PEAK1: variants seen among roughly 807,000 people sequenced by gnomAD.
PEAK1 encodes the protein inactive tyrosine-protein kinase PEAK1.
In PEAK1, 54 loss-of-function variants were observed where a neutral mutation model predicts 124.7. The ratio of observed to expected loss-of-function variants is 0.43; its 90% CI spans 0.35 to 0.54. The LOEUF is 0.54. PEAK1 is among the 20% of genes least tolerant of loss of function. The pLI is 0.01. For synonymous variants in PEAK1, 719 were observed against 760.0 expected, an observed-to-expected ratio of 0.95 and a Z score of 0.89; for missense variants, 2,046 against 2,134.5, an observed-to-expected ratio of 0.96 and a Z score of 0.82.
intron 1 of PEAK1, among the ~76,000 whole-genome samples, chr15:77,374,374 C>A (rs750668583): frequency 6.6e-6 from 1 of 152,112 alleles, no homozygotes; most frequent in African/African-American, 2.4e-5. Context: ...GTACCTAGAA[C>A]GTAAAATCAG....
intron 8 of PEAK1, among the ~76,000 whole-genome samples, chr15:77,150,435 T>A (rs190759521): frequency 6.6e-6 from 1 of 152,274 alleles, no homozygotes; most frequent in Non-Finnish European, 1.5e-5. Context: ...ACTTAGAATA[T>A]TCACAGAGGC....
intron 1 of PEAK1, among the ~76,000 whole-genome samples, chr15:77,391,476 C>CAAAAAAAAAA (rs536286745): frequency 2.9e-5 from 2 of 68,300 alleles, no homozygotes; most frequent in East Asian, 1.5e-3. Context: ...TAACTCATGG[C>CAAAAAAAAAA]AAAAAAAAAA....
intron 8 of PEAK1, among the ~76,000 whole-genome samples, chr15:77,145,743 C>T (rs569615244): frequency 5.9e-5 from 9 of 152,274 alleles, no homozygotes; most frequent in Admixed American, 1.3e-4. Context: ...TTTTGTGACC[C>T]TCTTCCAGAC....
In PEAK1 at chr15:77,133,875, A is replaced by C; in HGVS notation, c.3332-125T>G. ...GAATGTAAGAATAAGTCAACTCTTT[A>C]GTTCAAAATGGGAAAAGAGAACAAC... On this transcript the variant is annotated intron_variant, in intron 8 of 9. Coordinates refer to ENST00000682557, the MANE Select transcript of PEAK1 (RefSeq NM_001385026.1). This position sits in a 1 kb window ranked among gnomAD's most constrained non-coding sequence, Gnocchi z 4.2. 9.1e-7 allele frequency: 1 copy of C among 1,097,230 alleles called. No individual in the cohort carries two copies. Among genetic ancestry groups the C allele is most frequent in the Non-Finnish European group, 1.3e-6 (1 of 799,916 alleles). 68.0% of individuals were successfully genotyped at this position (1,097,230 alleles called of 1,614,324 possible).
Position 77,180,450 on chromosome 15 carries a change from C to T in PEAK1, c.1477G>A (p.Val493Ile), listed in dbSNP as rs1382028940. The T allele has an allele frequency of 2.5e-6, 4 of 1,614,082 alleles. No homozygotes were observed. The highest frequency in any genetic ancestry group is 3.4e-6 in the Non-Finnish European group (4 of 1,180,016). ...GAGCTTTTTGTCTTGGGGCTGTTAA[C>T]AGGGCCCTCGAGGTGCTCACTGGCC... ...AMASEHLEGP[V>I]NSPKTKSSSS... The change falls in exon 7 of 10, where the codon GTT becomes ATT. Residue 493 changes from valine to isoleucine, a missense_variant. Physicochemically the swap from Val to Ile is conservative, Grantham distance 29. Transcript: ENST00000682557.
chr15:77,389,576 G>A (rs1200614561), intron 1 of PEAK1, among the ~76,000 whole-genome samples: 1 of 152,150 alleles, frequency 6.6e-6, no homozygotes, highest in Non-Finnish European at 1.5e-5. Context: ...AATTATCTTA[G>A]AGGCCATTTC....
At chr15:77,178,696 A>G (rs1388943456) in intron 7 of PEAK1, 94 bp downstream of exon 7, 2 of 1,249,180 alleles carry the variant, frequency 1.6e-6, no homozygotes, top group Non-Finnish European at 2.2e-6. Flanking sequence ...TTACAAACAG[A>G]AATGGTTCTT....
At chr15:77,408,852 C>A (rs1440554121) in intron 1 of PEAK1, among the ~76,000 whole-genome samples, 1 of 152,104 alleles carries the variant, frequency 6.6e-6, no homozygotes, top group Non-Finnish European at 1.5e-5. Context: ...GGGAGGATCA[C>A]CTGAGCCCAG....
At chr15:77,358,433 T>C (rs369061857) in intron 2 of PEAK1, among the ~76,000 whole-genome samples, 1 of 152,268 alleles carries the variant, frequency 6.6e-6, no homozygotes, top group African/African-American at 2.4e-5. Flanking sequence ...AAAAAACCAA[T>C]CTTACTAAGG....
intron 5 of PEAK1, among the ~76,000 whole-genome samples, chr15:77,259,435 G>A (rs1462108915): frequency 6.6e-6 from 1 of 152,040 alleles, no homozygotes; most frequent in Non-Finnish European, 1.5e-5. Context: ...CTGATTTAAA[G>A]TTTGTAATGG....
intron 1 of PEAK1, among the ~76,000 whole-genome samples, chr15:77,412,522 CAT>C (rs1473612471): frequency 6.6e-6 from 1 of 152,162 alleles, no homozygotes; most frequent in Admixed American, 6.5e-5. Context: ...TGTATCAAAA[CAT>C]ATCCAGTTAG....
intron 2 of PEAK1, chr15:77,349,114 A>C: frequency 3.2e-6 from 2 of 627,238 alleles, no homozygotes; most frequent in Non-Finnish European, 3.9e-6. Flanking sequence ...ATCTCGGCTC[A>C]CTGCAACCTC....
intron 9 of PEAK1, among the ~76,000 whole-genome samples, chr15:77,126,861 T>C (rs890891633): frequency 2.0e-5 from 3 of 152,154 alleles, no homozygotes; most frequent in Middle Eastern, 3.2e-3. Context: ...TTAGAATAAA[T>C]ATGAAAGAGG....
At position 77,202,687 on chromosome 15, in the gene PEAK1, G is replaced by A. The variant is rs183282726; in HGVS notation, c.-114-20647C>T. 4.1e-3 allele frequency among the ~76,000 whole-genome samples: 618 copies of A among 151,190 alleles called. 5 individuals are homozygous for A. The highest frequency in any genetic ancestry group is 0.014 in the African/African-American group (585 of 41,276). ...CAGGAGGCTGAGGCAGGAGAATGATGCGAACCCGGAGGCGGAGCTTGCAGT... is the reference window on the plus strand; with the variant it reads ...CAGGAGGCTGAGGCAGGAGAATGATACGAACCCGGAGGCGGAGCTTGCAGT... On this transcript the variant is annotated intron_variant, in intron 6 of 9. Coordinates refer to ENST00000682557, the MANE Select transcript of PEAK1 (RefSeq NM_001385026.1).
chr15:77,239,790 C>T lies in PEAK1; in HGVS notation c.-115+12577G>A. 3.1e-6 allele frequency: 3 copies of T among 959,898 alleles called. No individual in the cohort carries two copies. The South Asian group carries it at 1.4e-4, about 46-fold the overall frequency. 59.5% of individuals were successfully genotyped at this position (959,898 alleles called of 1,614,324 possible). On this transcript the variant is annotated intron_variant, in intron 6 of 9. Coordinates refer to ENST00000682557, the MANE Select transcript of PEAK1 (RefSeq NM_001385026.1). ...TGTCACATATTACATACCTCCTGGG[C>T]TCTTTTAACATTCTTCTTTCAATGC... is the stretch of plus-strand genomic sequence containing the variant.
intron 2 of PEAK1, chr15:77,333,084 T>C: frequency 1.0e-6 from 1 of 983,806 alleles, no homozygotes; most frequent in Non-Finnish European, 1.2e-6. Flanking sequence ...ATATTTGACA[T>C]TTGCCTTTCA....
chr15:77,320,665 T>A (rs929977846), intron 2 of PEAK1, among the ~76,000 whole-genome samples: 2 of 152,024 alleles, frequency 1.3e-5, no homozygotes, highest in Non-Finnish European at 2.9e-5. Flanking sequence ...TCCCCCAGCA[T>A]TTTTTTTATT....
intron 5 of PEAK1, among the ~76,000 whole-genome samples, chr15:77,258,081 A>G (rs2061256537): frequency 6.6e-6 from 1 of 152,092 alleles, no homozygotes; most frequent in Non-Finnish European, 1.5e-5. Context: ...TGTTCCATTG[A>G]TCTATATCTC....
chr15:77,301,678 T>C (rs1274743003), intron 2 of PEAK1, among the ~76,000 whole-genome samples: 1 of 152,240 alleles, frequency 6.6e-6, no homozygotes, highest in Non-Finnish European at 1.5e-5. Context: ...CCTGATCATC[T>C]GGCTTGAGGT....
Sources: gnomAD v4.1 joint callset for allele counts (sites outside exome capture counted in the v4.1 genomes callset) on GRCh38, gnomAD v4.1.1 for gene constraint, Gnocchi (gnomAD v3.1) non-coding constraint, MANE v1.5 for transcripts, NCBI Gene and HGNC (gene_info 2026-07-23, HGNC 2026-07-21) for gene names.